The following COLEC11 variants were observed in gnomAD, a reference collection of about 807,000 sequenced individuals.
COLEC11 encodes the protein collectin-11.
A neutral mutation model predicts 27.3 loss-of-function variants in COLEC11; 20 were observed. The ratio of observed to expected loss-of-function variants is 0.73; its 90% CI spans 0.51 to 1.06. The LOEUF (loss-of-function observed/expected upper bound fraction) is 1.06. COLEC11 is among the 50% of genes least tolerant of loss of function. The pLI is 0.00. For missense variants in COLEC11, 310 were observed against 383.0 expected, an observed-to-expected ratio of 0.81 and a Z score of 1.59; for synonymous variants, 163 against 154.7, an observed-to-expected ratio of 1.05 and a Z score of -0.40.
At chr2:3,599,027 T>C (rs1260029044) in intron 1 of COLEC11, among the ~76,000 whole-genome samples, 1 of 137,910 alleles carries the variant, frequency 7.3e-6, no homozygotes, top group Non-Finnish European at 1.5e-5. Flanking sequence ...CTTTGATGCA[T>C]GGGGAGAGGG....
chr2:3,600,739 C>A (rs1330525442), intron 1 of COLEC11, among the ~76,000 whole-genome samples: 3 of 152,176 alleles, frequency 2.0e-5, no homozygotes, highest in Admixed American at 2.0e-4. Flanking sequence ...TAGACCTCGT[C>A]ATTGTGTAGT....
intron 2 of COLEC11, chr2:3,606,091 G>A: frequency 6.4e-7 from 1 of 1,550,534 alleles, no homozygotes; most frequent in Non-Finnish European, 8.7e-7. Context: ...CTGACTTTGT[G>A]GTAGCGTGTG....
At chr2:3,637,822 T>C (rs533763435) in intron 4 of COLEC11, among the ~76,000 whole-genome samples, 1 of 152,296 alleles carries the variant, frequency 6.6e-6, no homozygotes, top group African/African-American at 2.4e-5. Flanking sequence ...CGCTCCCCAT[T>C]CTGCAGGATT....
intron 2 of COLEC11, among the ~76,000 whole-genome samples, chr2:3,609,457 A>C (rs1186713598): frequency 7.1e-6 from 1 of 141,078 alleles, no homozygotes; most frequent in Non-Finnish European, 1.5e-5. Context: ...GCAGCCTGCA[A>C]CTCCTGGGCT....
At chr2:3,626,684 G>A (rs548472879) in intron 3 of COLEC11, among the ~76,000 whole-genome samples, 2 of 152,362 alleles carry the variant, frequency 1.3e-5, no homozygotes, top group South Asian at 4.1e-4. Flanking sequence ...TCCGTCAGCT[G>A]TAAGTGCTCT....
At chr2:3,620,960 A>G (rs1287735215) in intron 3 of COLEC11, among the ~76,000 whole-genome samples, 5 of 152,222 alleles carry the variant, frequency 3.3e-5, no homozygotes, top group African/African-American at 9.6e-5. Context: ...CGTATGAGCT[A>G]TCTCAAAGAA....
At chr2:3,603,959 G>C (rs1662432107) in intron 1 of COLEC11, 3 of 566,904 alleles carry the variant, frequency 5.3e-6, no homozygotes. Context: ...GAGGCTCCAT[G>C]TCTGTGGCTG....
chr2:3,640,643 C>T (rs1665780977), intron 5 of COLEC11, among the ~76,000 whole-genome samples: 1 of 70,324 alleles, frequency 1.4e-5, no homozygotes, highest in Non-Finnish European at 2.2e-5. Flanking sequence ...ACACCCACCC[C>T]CGTCACATCC....
chr2:3,602,203 A>G lies in COLEC11; in HGVS notation c.-26-2112A>G, dbSNP rs537997969. Among the ~76,000 whole-genome samples, 5 of 152,114 alleles carry G rather than the reference A, an allele frequency of 3.3e-5. No homozygotes were observed. Among genetic ancestry groups the G allele is most frequent in the Admixed American group, 1.3e-4 (2 of 15,288 alleles). ...GCAGCTAAGGTGACCTTCATTTTGG[A>G]CCTGAGAGGGCCAGCTGGCTTGGAA... is the stretch of plus-strand genomic sequence containing the variant. On this transcript the variant is annotated intron_variant, in intron 1 of 6. Coordinates refer to ENST00000349077, the MANE Select transcript of COLEC11 (RefSeq NM_024027.5). This position sits in a 1 kb window ranked among gnomAD's most constrained non-coding sequence, Gnocchi z 6.2.
At chr2:3,595,416 G>A (rs1016055342) in intron 1 of COLEC11, among the ~76,000 whole-genome samples, 5 of 152,256 alleles carry the variant, frequency 3.3e-5, no homozygotes, top group African/African-American at 7.2e-5. Flanking sequence ...ACCCATGAGA[G>A]GTGCTGGATG....
In COLEC11 at chr2:3,612,231, T is replaced by C. The variant is rs368997730; in HGVS notation, c.131-1080T>C. On this transcript the variant is annotated intron_variant, in intron 2 of 6. Coordinates refer to ENST00000349077, the MANE Select transcript of COLEC11 (RefSeq NM_024027.5). Reference sequence around the variant, plus strand: ...GCACATGCGGACACACGCACACACATGCACCCACGCACCCACGCACACGCA... The same window carrying C: ...GCACATGCGGACACACGCACACACACGCACCCACGCACCCACGCACACGCA... Among the ~76,000 whole-genome samples, 594 of 145,066 alleles carry C rather than the reference T, an allele frequency of 4.1e-3. 7 individuals carry two copies. The highest frequency in any genetic ancestry group is 0.022 in the South Asian group (104 of 4,806).
chr2:3,621,307 A>G (rs946333988), intron 3 of COLEC11, among the ~76,000 whole-genome samples: 3 of 152,182 alleles, frequency 2.0e-5, no homozygotes, highest in African/African-American at 7.2e-5. Flanking sequence ...AGTTTTTGAC[A>G]TAGTCTATTT....
At chr2:3,606,980 G>T (rs769576286) in intron 2 of COLEC11, among the ~76,000 whole-genome samples, 9 of 152,226 alleles carry the variant, frequency 5.9e-5, no homozygotes, top group Non-Finnish European at 1.2e-4. Context: ...CTCAGGGCTG[G>T]GATGAAGAAG....
At chr2:3,604,292 T>C in intron 1 of COLEC11, 23 bp from the exon 2 acceptor site, 1 of 1,613,756 alleles carries the variant, frequency 6.2e-7, no homozygotes, top group South Asian at 1.1e-5. Context: ...TTCCCATCAC[T>C]GTTTATTCCT....
chr2:3,643,937 G>T lies in COLEC11; in HGVS notation c.635G>T (p.Gly212Val). The change falls in exon 7 of 7, where the codon GGC becomes GTC. Residue 212 changes from glycine (G) to valine (V), a missense_variant. Coordinates refer to ENST00000349077, the MANE Select transcript of COLEC11 (RefSeq NM_024027.5). ...GGCATCAACGACCTGGAGAAGGAGG[G>T]CGCCTTCGTGTACTCTGACCACTCC... ...FIGINDLEKE[G>V]AFVYSDHSPM... is the part of the protein sequence containing the mutation. 6.2e-7 allele frequency: 1 copy of T among 1,614,174 alleles called. No homozygotes were observed.
intron 5 of COLEC11, among the ~76,000 whole-genome samples, chr2:3,643,214 A>G (rs971717770): frequency 6.6e-6 from 1 of 151,620 alleles, no homozygotes; most frequent in East Asian, 1.9e-4. Context: ...TCTTCCCCCT[A>G]CAGCTGGAGA....
At chr2:3,625,626 T>C (rs886230353) in intron 3 of COLEC11, among the ~76,000 whole-genome samples, 10 of 19,160 alleles carry the variant, frequency 5.2e-4, no homozygotes, top group Non-Finnish European at 7.8e-4. Context: ...TCTTTTTTAC[T>C]TTTTTTTTTT....
chr2:3,623,393 C>CTA (rs1215425360), intron 3 of COLEC11, among the ~76,000 whole-genome samples: 1 of 152,122 alleles, frequency 6.6e-6, no homozygotes, highest in African/African-American at 2.4e-5. Flanking sequence ...TAGCTTCTCT[C>CTA]TATATTCTCC....
chr2:3,609,533 C>T (rs1237435782), intron 2 of COLEC11, among the ~76,000 whole-genome samples: 3 of 70,662 alleles, frequency 4.2e-5, no homozygotes, highest in Non-Finnish European at 9.7e-5. Flanking sequence ...ACACATCCTG[C>T]TATTTTTTTT....
Sources: allele counts gnomAD v4.1 joint callset (sites outside exome capture counted in the v4.1 genomes callset), GRCh38; gene constraint gnomAD v4.1.1; non-coding constraint Gnocchi (gnomAD v3.1); transcripts MANE v1.5; gene names NCBI Gene and HGNC (gene_info 2026-07-23, HGNC 2026-07-21).